Variants in KCNIP1 observed in about 807,000 individuals in gnomAD.
KCNIP1 encodes potassium voltage-gated channel interacting protein 1.
KCNIP1 carries 18 observed loss-of-function variants against 33.0 expected under a neutral mutation model. The ratio of observed to expected loss-of-function variants is 0.55; its 90% confidence interval spans 0.38 to 0.81. KCNIP1 has a LOEUF of 0.81. Among genes scored for constraint, KCNIP1 ranks in the 30% least tolerant of loss-of-function variants. The pLI is 0.00. For synonymous variants in KCNIP1, 93 were observed against 98.3 expected (o/e 0.95, Z 0.32); for missense variants, 238 against 271.6 (o/e 0.88, Z 0.87).
At chr5:170,486,352 C>G (rs1181524413) in intron 1 of KCNIP1, 1 of 152,254 alleles carries the variant, frequency 6.6e-6, no homozygotes, top group Non-Finnish European at 1.5e-5. Context: ...CAAGCCTCTA[C>G]TCCCCATTTT....
chr5:170,725,206 CAA>C (rs2113881856), intron 5 of KCNIP1, among the ~76,000 whole-genome samples: 1 of 152,268 alleles, frequency 6.6e-6, no homozygotes, highest in South Asian at 2.1e-4. Context: ...ACCAGTATAT[CAA>C]AGAGATATCT....
At chr5:170,522,657 C>G (rs1236845243) in intron 1 of KCNIP1, among the ~76,000 whole-genome samples, 1 of 152,220 alleles carries the variant, frequency 6.6e-6, no homozygotes, top group Non-Finnish European at 1.5e-5. Flanking sequence ...AGCCAGCAGC[C>G]TCCCCAGGGC....
At chr5:170,636,010 T>C (rs1313238440) in intron 1 of KCNIP1, among the ~76,000 whole-genome samples, 1 of 152,172 alleles carries the variant, frequency 6.6e-6, no homozygotes, top group African/African-American at 2.4e-5. Flanking sequence ...ACAGGCAAGT[T>C]CTCCCAGATG....
At chr5:170,588,333 C>T (rs1412237211) in intron 1 of KCNIP1, among the ~76,000 whole-genome samples, 10 of 152,348 alleles carry the variant, frequency 6.6e-5, no homozygotes, top group Non-Finnish European at 1.2e-4. Flanking sequence ...GGAAACTCAT[C>T]ATCAGCTGCC....
intron 1 of KCNIP1, among the ~76,000 whole-genome samples, chr5:170,507,373 G>A (rs893987126): frequency 6.6e-6 from 1 of 152,224 alleles, no homozygotes; most frequent in African/African-American, 2.4e-5. Flanking sequence ...CAAGCATTTA[G>A]CACAGTCTCT....
intron 1 of KCNIP1, among the ~76,000 whole-genome samples, chr5:170,505,873 G>A (rs1754696078): frequency 6.6e-6 from 1 of 152,200 alleles, no homozygotes; most frequent in African/African-American, 2.4e-5. Flanking sequence ...ATAGGAAGAG[G>A]CTTTGGCCCA....
At chr5:170,463,449 G>A (rs1203825625) in intron 1 of KCNIP1, among the ~76,000 whole-genome samples, 1 of 152,058 alleles carries the variant, frequency 6.6e-6, no homozygotes, top group East Asian at 1.9e-4. Flanking sequence ...ACTGAATCCA[G>A]CAGTCTGTTA....
intron 1 of KCNIP1, among the ~76,000 whole-genome samples, chr5:170,654,498 T>C (rs1327943908): frequency 1.3e-5 from 2 of 152,228 alleles, no homozygotes; most frequent in Non-Finnish European, 2.9e-5. Context: ...TCTGGGTCAT[T>C]ACAGTAGGAA....
chr5:170,624,688 G>A (rs556517304), intron 1 of KCNIP1, among the ~76,000 whole-genome samples: 6 of 144,664 alleles, frequency 4.1e-5, no homozygotes, highest in Admixed American at 2.8e-4. Context: ...GTGGAGGGGA[G>A]GAGAGGAGAG....
chr5:170,581,275 A>G (rs1478678868), intron 1 of KCNIP1, among the ~76,000 whole-genome samples: 1 of 152,238 alleles, frequency 6.6e-6, no homozygotes, highest in African/African-American at 2.4e-5. Flanking sequence ...TTCCAAGGTC[A>G]CAGAGCTAAC....
chr5:170,602,089 G>A (rs1194164681), intron 1 of KCNIP1, among the ~76,000 whole-genome samples: 1 of 152,208 alleles, frequency 6.6e-6, no homozygotes, highest in Non-Finnish European at 1.5e-5. Flanking sequence ...CACAGCACAT[G>A]CCAACCTTTC....
intron 1 of KCNIP1, among the ~76,000 whole-genome samples, chr5:170,627,289 T>G (rs1003276423): frequency 1.4e-4 from 21 of 152,176 alleles, no homozygotes; most frequent in Admixed American, 1.4e-3. Flanking sequence ...AAATAAATAA[T>G]GTACCTGGTA....
At chr5:170,697,889 A>T (rs1762953345) in intron 1 of KCNIP1, among the ~76,000 whole-genome samples, 1 of 152,120 alleles carries the variant, frequency 6.6e-6, no homozygotes, top group Non-Finnish European at 1.5e-5. Context: ...AGCTGTTGCA[A>T]TATTAAATTG....
intron 1 of KCNIP1, among the ~76,000 whole-genome samples, chr5:170,395,277 T>C (rs1325937607): frequency 6.6e-6 from 1 of 152,264 alleles, no homozygotes; most frequent in Non-Finnish European, 1.5e-5. Flanking sequence ...TTTTACTTTT[T>C]AGTAATAGCT....
rs1762104267 is a variant in KCNIP1 at position 170,675,614 on chromosome 5, C to T, written c.62-43144C>T. ...CCAGCCTGGCAACAGAGCAAGCCCC[C>T]ATCTCTAAAATAAAATAAATTGCTC... On this transcript the variant is annotated intron_variant, in intron 1 of 7. Coordinates refer to ENST00000328939, the MANE Select transcript of KCNIP1 (RefSeq NM_014592.4). Among the ~76,000 whole-genome samples the T allele has an allele frequency of 3.3e-5, 5 of 152,270 alleles. No homozygotes were observed. The South Asian group carries it at 1.0e-3, about 32-fold the overall frequency.
In KCNIP1 at chr5:170,722,822, T is replaced by TA; in HGVS notation, c.435+4dup. 6.3e-7 allele frequency: 1 copy of TA among 1,599,128 alleles called. No homozygotes were observed. The highest frequency in any genetic ancestry group is 8.6e-7 in the Non-Finnish European group (1 of 1,166,844). ...AAGGACGGATACATAAACAAAGAGG[T>TA]AAGTGAGCTGGGGCCAGGGGTGTGA... On this transcript the variant is annotated splice_region_variant and intron_variant, in intron 5 of 7. Coordinates refer to ENST00000328939, the MANE Select transcript of KCNIP1 (RefSeq NM_014592.4).
intron 1 of KCNIP1, among the ~76,000 whole-genome samples, chr5:170,405,276 C>T (rs1202840237): frequency 1.3e-5 from 2 of 151,902 alleles, no homozygotes; most frequent in African/African-American, 4.8e-5. Context: ...CATACTGTAA[C>T]CTCCGCCTCC....
intron 1 of KCNIP1, among the ~76,000 whole-genome samples, chr5:170,547,187 GTCACAGGTTGTGATGT>G (rs1208140101): frequency 6.6e-6 from 1 of 152,100 alleles, no homozygotes; most frequent in Non-Finnish European, 1.5e-5. Flanking sequence ...ATATTTCTCC[GTCACAGGTTGTGATGT>G]TACTTTCATC....
chr5:170,578,469 G>GTGTT (rs145817624), intron 1 of KCNIP1, among the ~76,000 whole-genome samples: 5,175 of 152,264 alleles, frequency 0.034, 141 homozygotes, highest in Non-Finnish European at 0.052. Context: ...TATGGCCCTT[G>GTGTT]TGTTTCTTCA....
Sources: gnomAD v4.1 joint callset for allele counts (sites outside exome capture counted in the v4.1 genomes callset) on GRCh38, gnomAD v4.1.1 for gene constraint, MANE v1.5 for transcripts, NCBI Gene and HGNC (gene_info 2026-07-23, HGNC 2026-07-21) for gene names.